ARNT2: variants seen among roughly 807,000 people sequenced by gnomAD.
ARNT2 encodes aryl hydrocarbon receptor nuclear translocator 2.
ARNT2 carries 36 observed loss-of-function variants against 91.7 expected under a neutral mutation model. That is an observed-to-expected ratio of 0.39 (90% CI 0.30 to 0.52). The LOEUF (loss-of-function observed/expected upper bound fraction) is 0.52. Ranked by LOEUF, ARNT2 falls within the 20% of genes least tolerant of loss-of-function variation. ARNT2 has a pLI of 0.72. For synonymous variants in ARNT2, 365 were observed against 347.1 expected (o/e 1.05, Z -0.57); for missense variants, 775 against 939.3 (o/e 0.83, Z 2.29).
intron 1 of ARNT2, chr15:80,445,164 A>G (rs955491621): frequency 7.0e-6 from 1 of 142,412 alleles, no homozygotes. Flanking sequence ...ATATGTGTTG[A>G]TGTGAGTGGT....
chr15:80,437,285 C>T (rs1443689265), intron 1 of ARNT2, among the ~76,000 whole-genome samples: 1 of 152,168 alleles, frequency 6.6e-6, no homozygotes, highest in African/African-American at 2.4e-5. Context: ...GAGCTGGTGG[C>T]GGTGTCTCCC....
chr15:80,522,713 T>C (rs187110541), intron 8 of ARNT2, among the ~76,000 whole-genome samples: 194 of 151,934 alleles, frequency 1.3e-3, no homozygotes, highest in Non-Finnish European at 2.4e-3. Context: ...ATGCAGTCTG[T>C]TGTTTACCAA....
In ARNT2 at chr15:80,420,798, A is replaced by T. The variant is rs1188863584; in HGVS notation, c.31+16252A>T. 2.0e-5 allele frequency among the ~76,000 whole-genome samples: 3 copies of T among 152,178 alleles called. No homozygotes were observed. In the East Asian group the frequency reaches 5.8e-4, roughly 29 times the overall value. On this transcript the variant is annotated intron_variant, in intron 1 of 18. Transcript: ENST00000303329. Reference sequence around the variant, plus strand: ...TAGTGAGATGAGATGGTAAGAACGTAATCACTCCTGGGATGGTTGACCTTG... The same window carrying T: ...TAGTGAGATGAGATGGTAAGAACGTTATCACTCCTGGGATGGTTGACCTTG...
intron 8 of ARNT2, among the ~76,000 whole-genome samples, chr15:80,520,583 A>T (rs1177006193): frequency 2.0e-5 from 3 of 152,188 alleles, no homozygotes; most frequent in Non-Finnish European, 4.4e-5. Context: ...AAATAAAAAT[A>T]AAAAAATACC....
Position 80,581,224 on chromosome 15 carries a change from T to C in ARNT2, c.1753-15T>C. The stretch of plus-strand genomic sequence containing the variant: ...TGGTGATGCTTTCCATCTCTTTGCT[T>C]TGTCCTGATTGTAGCAAATCCCATC... On this transcript the variant is annotated splice_polypyrimidine_tract_variant and intron_variant, in intron 16 of 18. Transcript: ENST00000303329. 6.2e-7 allele frequency: 1 copy of C among 1,613,940 alleles called. No individual in the cohort carries two copies. Among genetic ancestry groups the C allele is most frequent in the Non-Finnish European group, 8.5e-7 (1 of 1,179,864 alleles).
chr15:80,540,338 A>G (rs1312229030), intron 8 of ARNT2, among the ~76,000 whole-genome samples: 3 of 152,180 alleles, frequency 2.0e-5, no homozygotes, highest in Admixed American at 1.3e-4. Context: ...TTTGTAAATT[A>G]TGATAGCCAT....
In ARNT2 at chr15:80,593,636, A is replaced by G. The variant is rs1189564026; in HGVS notation, c.2092A>G (p.Thr698Ala). The change falls in exon 19 of 19, where the codon ACT becomes GCT. Residue 698 changes from threonine (T) to alanine (A), a missense_variant. Around this residue, in one of 5 missense-constraint regions of ARNT2, gnomAD observed 325 missense variants for 359.9 expected, o/e 0.90. Coordinates refer to ENST00000303329, the MANE Select transcript of ARNT2 (RefSeq NM_014862.4). ...CATGCCAGGAGATCCAACCCAGGGG[A>G]CTGGCAACTATAACATCGAAGACTT... ...LPMPGDPTQGTGNYNIEDFAD... is the reference protein window; with the variant it reads ...LPMPGDPTQGAGNYNIEDFAD... 2 of 1,606,378 alleles carry G rather than the reference A, an allele frequency of 1.2e-6. No homozygotes were observed. The highest frequency in any genetic ancestry group is 8.5e-7 in the Non-Finnish European group (1 of 1,175,612).
chr15:80,511,202 A>G (rs894171684), intron 6 of ARNT2, among the ~76,000 whole-genome samples: 2 of 152,180 alleles, frequency 1.3e-5, no homozygotes, highest in Non-Finnish European at 1.5e-5. Flanking sequence ...AGTCATAAAA[A>G]AGAAAAAGAT....
intron 2 of ARNT2, 113 bp downstream of exon 2, chr15:80,451,107 TGCA>T: frequency 9.4e-7 from 1 of 1,065,362 alleles, no homozygotes; most frequent in Non-Finnish European, 1.4e-6. Flanking sequence ...CTCAGCAGTT[TGCA>T]TCCTGTTTAA....
At chr15:80,487,993 A>T (rs1897002459) in intron 5 of ARNT2, 1 of 152,238 alleles carries the variant, frequency 6.6e-6, no homozygotes, top group African/African-American at 2.4e-5. Flanking sequence ...TGTGAACCTT[A>T]TGTGCATTTT....
chr15:80,529,373 A>G (rs766800299), intron 8 of ARNT2, among the ~76,000 whole-genome samples: 2 of 152,222 alleles, frequency 1.3e-5, no homozygotes, highest in South Asian at 2.1e-4. Context: ...TTTGCATTGC[A>G]TAGTGGGGGA....
intron 12 of ARNT2, among the ~76,000 whole-genome samples, chr15:80,567,902 G>A (rs1332994276): frequency 2.0e-5 from 3 of 152,180 alleles, no homozygotes; most frequent in Non-Finnish European, 4.4e-5. Context: ...TTGAATTTGT[G>A]AGGCGAAACT....
rs564236627 is a variant in ARNT2 at position 80,549,533 on chromosome 15, A to G, written c.878-1666A>G. Among the ~76,000 whole-genome samples, 10 of 152,312 alleles carry G rather than the reference A, an allele frequency of 6.6e-5. No homozygotes were observed. In the South Asian group the frequency reaches 2.1e-3, roughly 32 times the overall value. On this transcript the variant is annotated intron_variant, in intron 8 of 18. Transcript: ENST00000303329. ...CAAAAGATCCAAATAGAAAAATGGG[A>G]AAGAGACAGAAGCAGACAATTCACT...
chr15:80,524,134 C>T (rs74027821), intron 8 of ARNT2, among the ~76,000 whole-genome samples: 2,672 of 152,236 alleles, frequency 0.018, 84 homozygotes, highest in African/African-American at 0.061. Context: ...AATGTGTATA[C>T]AGAGACACTA....
intron 1 of ARNT2, among the ~76,000 whole-genome samples, chr15:80,411,478 A>G (rs1200753911): frequency 3.3e-5 from 5 of 152,208 alleles, no homozygotes; most frequent in African/African-American, 1.2e-4. Context: ...GGGTCTCTGT[A>G]ACAAAATAGT....
chr15:80,492,393 C>T (rs1480856291), intron 5 of ARNT2, among the ~76,000 whole-genome samples: 1 of 152,164 alleles, frequency 6.6e-6, no homozygotes, highest in Non-Finnish European at 1.5e-5. Context: ...GTTAGTCCTC[C>T]AACTTTGTTC....
At chr15:80,480,334 G>T (rs1476392315) in intron 5 of ARNT2, among the ~76,000 whole-genome samples, 1 of 152,136 alleles carries the variant, frequency 6.6e-6, no homozygotes, top group Non-Finnish European at 1.5e-5. Context: ...AGCAGAAGCA[G>T]CTCAGCAGGG....
At chr15:80,549,141 A>G (rs1898038665) in intron 8 of ARNT2, among the ~76,000 whole-genome samples, 1 of 152,176 alleles carries the variant, frequency 6.6e-6, no homozygotes, top group Non-Finnish European at 1.5e-5. Flanking sequence ...ACTGCAATTT[A>G]AGAAAATGTT....
In ARNT2 at chr15:80,584,492, G is replaced by T. The variant is rs149864939; in HGVS notation, c.1918+3088G>T. Among the ~76,000 whole-genome samples the T allele has an allele frequency of 4.6e-3, 694 of 152,310 alleles. 3 individuals are homozygous for T. The highest frequency in any genetic ancestry group is 6.2e-3 in the Non-Finnish European group (421 of 68,018). On this transcript the variant is annotated intron_variant, in intron 17 of 18. Transcript: ENST00000303329. The stretch of plus-strand genomic sequence containing the variant: ...TCCCGAGGGCACAGTGGGAAAGGGT[G>T]CAGGGAACAGAGCAGGTAAGAATGG...
Sources: allele counts gnomAD v4.1 joint callset (sites outside exome capture counted in the v4.1 genomes callset), GRCh38; gene constraint gnomAD v4.1.1; regional missense constraint gnomAD v4.1.1; transcripts MANE v1.5; gene names NCBI Gene and HGNC (gene_info 2026-07-23, HGNC 2026-07-21).